The following SGCD variants were observed in gnomAD, a reference collection of about 807,000 sequenced individuals.
The protein encoded by SGCD is delta-sarcoglycan.
A neutral mutation model predicts 36.6 loss-of-function variants in SGCD; 18 were observed. The observed-to-expected ratio is 0.49, with a 90% CI of 0.34 to 0.73. SGCD has a LOEUF of 0.73. Among genes scored for constraint, SGCD ranks in the 30% least tolerant of loss-of-function variants. The pLI is 0.01. For synonymous variants in SGCD, 133 were observed against 130.6 expected, an observed-to-expected ratio of 1.02 and a Z score of -0.12; for missense variants, 387 against 346.7, an observed-to-expected ratio of 1.12 and a Z score of -0.92.
intron 4 of SGCD, among the ~76,000 whole-genome samples, chr5:156,516,534 G>A (rs1561749016): frequency 6.6e-6 from 1 of 152,116 alleles, no homozygotes; most frequent in East Asian, 1.9e-4. Flanking sequence ...AAATAACAAA[G>A]GTAGATAAGC....
chr5:155,934,207 CCA>C, intron 1 of SGCD, among the ~76,000 whole-genome samples: 1 of 152,246 alleles, frequency 6.6e-6, no homozygotes, highest in East Asian at 1.9e-4. Context: ...AGGTGCAGAG[CCA>C]CACGAAGTGA....
chr5:156,512,974 A>G (rs1368998898), intron 4 of SGCD, among the ~76,000 whole-genome samples: 4 of 151,122 alleles, frequency 2.6e-5, no homozygotes, highest in Admixed American at 6.6e-5. Flanking sequence ...TTCTGGGGAG[A>G]GATATTAGAA....
At chr5:156,151,329 T>C (rs957227680) in intron 3 of SGCD, among the ~76,000 whole-genome samples, 2 of 151,710 alleles carry the variant, frequency 1.3e-5, no homozygotes, top group African/African-American at 4.9e-5. Flanking sequence ...CAACTGTGGG[T>C]AGATATTATC....
At chr5:156,652,878 T>A (rs1049382793) in intron 7 of SGCD, among the ~76,000 whole-genome samples, 1 of 152,150 alleles carries the variant, frequency 6.6e-6, no homozygotes, top group African/African-American at 2.4e-5. Context: ...TTTCATTCTG[T>A]TTATACGATG....
intron 3 of SGCD, among the ~76,000 whole-genome samples, chr5:156,211,250 A>G (rs1319056616): frequency 2.0e-5 from 3 of 152,196 alleles, no homozygotes; most frequent in Non-Finnish European, 2.9e-5. Context: ...TTCCCAGACA[A>G]ACAAAAGCTT....
chr5:156,614,712 C>G (rs967415932), intron 6 of SGCD, among the ~76,000 whole-genome samples: 2 of 152,196 alleles, frequency 1.3e-5, no homozygotes, highest in African/African-American at 4.8e-5. Context: ...ACCCCTAAAT[C>G]TGTACTTGCC....
chr5:156,329,827 C>T lies in SGCD; in HGVS notation c.3+248C>T, dbSNP rs10447212. ...GGTCAGGAGATGGAGACCATCCTGG[C>T]TAACACGGTGAAATCCCATCTATAC... On this transcript the variant is annotated intron_variant, in intron 2 of 8. Transcript: ENST00000337851. Among the ~76,000 whole-genome samples, 23,611 of 151,872 alleles carry T rather than the reference C, an allele frequency of 0.16. 2,144 individuals carry two copies. The highest frequency in any genetic ancestry group is 0.24 in the Middle Eastern group (69 of 292).
intron 3 of SGCD, among the ~76,000 whole-genome samples, chr5:156,474,943 A>T (rs1240074018): frequency 6.6e-6 from 1 of 152,210 alleles, no homozygotes; most frequent in African/African-American, 2.4e-5. Flanking sequence ...AATGATGCTA[A>T]TTCCATAGGG....
the SGCD span, among the ~76,000 whole-genome samples, chr5:155,829,790 A>G: frequency 3.9e-5 from 6 of 151,954 alleles, no homozygotes; most frequent in Admixed American, 3.9e-4. Context: ...CTTTGTGGGT[A>G]TAGTTTCATA....
At chr5:156,299,593 A>G (rs1236893609) in intron 3 of SGCD, among the ~76,000 whole-genome samples, 1 of 152,028 alleles carries the variant, frequency 6.6e-6, no homozygotes, top group African/African-American at 2.4e-5. Flanking sequence ...CATTTTTTGT[A>G]TATCTTCCTC....
chr5:156,566,894 G>A lies in SGCD; in HGVS notation c.295-22337G>A, dbSNP rs994509253. Among the ~76,000 whole-genome samples, 13 of 152,226 alleles carry A rather than the reference G, an allele frequency of 8.5e-5. No individual in the cohort carries two copies. The South Asian group carries it at 2.1e-3, about 24-fold the overall frequency. On this transcript the variant is annotated intron_variant, in intron 4 of 8. Transcript: ENST00000337851. ...ATGACCTTCTCGTACATAATGCCAA[G>A]CATTATGATACCTGAAACCATCTTA...
intron 5 of SGCD, among the ~76,000 whole-genome samples, chr5:156,593,939 G>A (rs538349186): frequency 1.3e-5 from 2 of 152,220 alleles, no homozygotes; most frequent in South Asian, 4.1e-4. Flanking sequence ...ATTTTTTTCT[G>A]TAGGAACTTC....
intron 6 of SGCD, among the ~76,000 whole-genome samples, chr5:156,634,341 T>G (rs1762743797): frequency 6.6e-6 from 1 of 152,186 alleles, no homozygotes; most frequent in Non-Finnish European, 1.5e-5. Context: ...AGTTGATCTG[T>G]GCAGCAAATC....
the SGCD span, among the ~76,000 whole-genome samples, chr5:155,822,208 CAT>C: frequency 6.6e-6 from 1 of 152,162 alleles, no homozygotes; most frequent in Non-Finnish European, 1.5e-5. Flanking sequence ...ACATGAAACA[CAT>C]ATTATCAAAA....
chr5:155,902,700 A>G (rs1360700626), intron 1 of SGCD, among the ~76,000 whole-genome samples: 1 of 152,206 alleles, frequency 6.6e-6, no homozygotes, highest in East Asian at 1.9e-4. Flanking sequence ...TATTATCAAG[A>G]TTAAATTTGG....
intron 1 of SGCD, among the ~76,000 whole-genome samples, chr5:155,932,456 A>G (rs1757117143): frequency 6.6e-6 from 1 of 152,194 alleles, no homozygotes; most frequent in South Asian, 2.1e-4. Flanking sequence ...AGAGGTAATC[A>G]TGAGAAATAT....
the SGCD span, among the ~76,000 whole-genome samples, chr5:155,806,616 A>G: frequency 1.1e-3 from 173 of 152,338 alleles, no homozygotes; most frequent in African/African-American, 4.0e-3. Context: ...TTTGTTATAG[A>G]TTATCATGAT....
At chr5:155,936,360 G>A (rs1028369556) in intron 1 of SGCD, among the ~76,000 whole-genome samples, 6 of 152,138 alleles carry the variant, frequency 3.9e-5, no homozygotes, top group African/African-American at 1.4e-4. Context: ...GGCGACCCTG[G>A]GATGGATAGC....
chr5:155,989,130 G>A (rs1758386047), intron 1 of SGCD, among the ~76,000 whole-genome samples: 1 of 152,170 alleles, frequency 6.6e-6, no homozygotes, highest in African/African-American at 2.4e-5. Flanking sequence ...CTTGTAGCAT[G>A]AGTGAAACCC....
Sources: allele counts gnomAD v4.1 joint callset (sites outside exome capture counted in the v4.1 genomes callset), GRCh38; gene constraint gnomAD v4.1.1; transcripts MANE v1.5; gene names NCBI Gene and HGNC (gene_info 2026-07-23, HGNC 2026-07-21).